The following STAMBPL1 variants were observed in gnomAD, a reference collection of about 807,000 sequenced individuals.
The protein encoded by STAMBPL1 is AMSH-like protease.
Under a neutral mutation model 52.9 loss-of-function variants are expected in STAMBPL1, and 44 were observed. The observed-to-expected ratio is 0.83, with a 90% CI of 0.65 to 1.07. The LOEUF is 1.07. Among genes scored for constraint, STAMBPL1 ranks in the 50% least tolerant of loss-of-function variants. The pLI is 0.00. For missense variants in STAMBPL1, 511 were observed against 520.8 expected, an observed-to-expected ratio of 0.98 and a Z score of 0.18; for synonymous variants, 164 against 177.3, an observed-to-expected ratio of 0.92 and a Z score of 0.60.
At chr10:88,909,496 A>G (rs1030906433) in intron 4 of STAMBPL1, among the ~76,000 whole-genome samples, 2 of 152,186 alleles carry the variant, frequency 1.3e-5, no homozygotes, top group Non-Finnish European at 2.9e-5. Flanking sequence ...TAATTTTTGA[A>G]AAACACTTTA....
At chr10:88,899,928 C>CT (rs533633904) in intron 1 of STAMBPL1, among the ~76,000 whole-genome samples, 60 of 152,280 alleles carry the variant, frequency 3.9e-4, no homozygotes, top group Non-Finnish European at 6.6e-4. Flanking sequence ...CTTTTAACGT[C>CT]TTTTTTTCCT....
intron 8 of STAMBPL1, among the ~76,000 whole-genome samples, chr10:88,920,525 G>C (rs1845482964): frequency 6.6e-6 from 1 of 152,138 alleles, no homozygotes; most frequent in Non-Finnish European, 1.5e-5. Context: ...TTTTCTAAGA[G>C]TAATTAGGGT....
chr10:88,916,891 G>T, intron 8 of STAMBPL1, 74 bp downstream of exon 8: 2 of 1,363,718 alleles, frequency 1.5e-6, no homozygotes, highest in Non-Finnish European at 9.6e-7. Context: ...GAAAAGTTTA[G>T]CTTCATTTAA....
intron 1 of STAMBPL1, among the ~76,000 whole-genome samples, chr10:88,899,230 A>G (rs1303354727): frequency 1.3e-5 from 2 of 152,128 alleles, no homozygotes; most frequent in Non-Finnish European, 2.9e-5. Flanking sequence ...ATCCTGCTTA[A>G]TTCATTCTGA....
chr10:88,887,486 C>G (rs1014289334), intron 1 of STAMBPL1, among the ~76,000 whole-genome samples: 3 of 152,110 alleles, frequency 2.0e-5, no homozygotes, highest in Non-Finnish European at 4.4e-5. Context: ...CATCCCACCC[C>G]TAGAGATGAT....
chr10:88,919,549 T>A (rs1845453091), intron 8 of STAMBPL1, among the ~76,000 whole-genome samples: 1 of 152,180 alleles, frequency 6.6e-6, no homozygotes. Context: ...GCTTGCTGCC[T>A]CCACAGCACT....
chr10:88,913,815 G>T (rs1396801776), intron 6 of STAMBPL1, among the ~76,000 whole-genome samples: 2 of 152,184 alleles, frequency 1.3e-5, no homozygotes, highest in African/African-American at 4.8e-5. Context: ...GAGAAAAGGT[G>T]TGAGAAAATT....
At chr10:88,921,244 C>T in intron 8 of STAMBPL1, 39 bp from the exon 9 acceptor site, 2 of 1,532,148 alleles carry the variant, frequency 1.3e-6, no homozygotes, top group Non-Finnish European at 1.8e-6. Context: ...TTGGCTAAGA[C>T]AGCTATCCTA....
chr10:88,909,029 T>G (rs1176187952), intron 4 of STAMBPL1, among the ~76,000 whole-genome samples: 1 of 152,244 alleles, frequency 6.6e-6, no homozygotes, highest in Non-Finnish European at 1.5e-5. Flanking sequence ...AGGAATTATT[T>G]TACAATAATC....
intron 1 of STAMBPL1, among the ~76,000 whole-genome samples, chr10:88,899,304 G>A (rs1844887085): frequency 6.6e-6 from 1 of 152,124 alleles, no homozygotes; most frequent in African/African-American, 2.4e-5. Flanking sequence ...GGCCATATCT[G>A]ACAATACCTA....
At chr10:88,886,271 A>G (rs888430074) in intron 1 of STAMBPL1, among the ~76,000 whole-genome samples, 3 of 152,210 alleles carry the variant, frequency 2.0e-5, no homozygotes, top group African/African-American at 7.2e-5. Flanking sequence ...TGTGAGGGCA[A>G]GCCCCCACTT....
At chr10:88,916,110 T>C (rs1487633383) in intron 7 of STAMBPL1, among the ~76,000 whole-genome samples, 2 of 152,168 alleles carry the variant, frequency 1.3e-5, no homozygotes, top group Non-Finnish European at 2.9e-5. Context: ...CTTTATCTGA[T>C]TGCAAATCCA....
chr10:88,918,158 G>A (rs1428087680), intron 8 of STAMBPL1, among the ~76,000 whole-genome samples: 2 of 152,096 alleles, frequency 1.3e-5, no homozygotes, highest in Admixed American at 1.3e-4. Flanking sequence ...CCACTGAGAT[G>A]GGATACTGGC....
intron 10 of STAMBPL1, among the ~76,000 whole-genome samples, chr10:88,922,939 T>C (rs1175808979): frequency 2.0e-5 from 3 of 152,142 alleles, no homozygotes; most frequent in African/African-American, 7.2e-5. Flanking sequence ...GAGAACATTA[T>C]ATTGACGTTA....
At chr10:88,903,090 T>G (rs1191053406) in intron 2 of STAMBPL1, among the ~76,000 whole-genome samples, 1 of 152,216 alleles carries the variant, frequency 6.6e-6, no homozygotes, top group East Asian at 1.9e-4. Flanking sequence ...TAACAATAAT[T>G]AAAATTTTAT....
chr10:88,896,812 G>T (rs1446983043), intron 1 of STAMBPL1, among the ~76,000 whole-genome samples: 1 of 151,844 alleles, frequency 6.6e-6, no homozygotes, highest in Admixed American at 6.6e-5. Context: ...AATGGGTCAG[G>T]ATTCTGAACT....
At chr10:88,918,611 G>A (rs1437071373) in intron 8 of STAMBPL1, among the ~76,000 whole-genome samples, 2 of 152,050 alleles carry the variant, frequency 1.3e-5, no homozygotes, top group East Asian at 1.9e-4. Context: ...GTCTATTTGC[G>A]TTACTTAACA....
chr10:88,900,407 T>C (rs1844916049), intron 1 of STAMBPL1, among the ~76,000 whole-genome samples: 1 of 152,166 alleles, frequency 6.6e-6, no homozygotes, highest in African/African-American at 2.4e-5. Flanking sequence ...TAAACTAGCA[T>C]AAAAAGGATG....
chr10:88,906,735 T>C (rs1177410197), intron 3 of STAMBPL1, among the ~76,000 whole-genome samples: 1 of 152,132 alleles, frequency 6.6e-6, no homozygotes, highest in Non-Finnish European at 1.5e-5. Context: ...CCCGAGTAGC[T>C]GGGACTACAG....
Sources: gnomAD v4.1 joint callset for allele counts (sites outside exome capture counted in the v4.1 genomes callset) on GRCh38, gnomAD v4.1.1 for gene constraint, MANE v1.5 for transcripts, NCBI Gene and HGNC (gene_info 2026-07-23, HGNC 2026-07-21) for gene names.